Variants in TNFRSF8 observed in about 807,000 individuals in gnomAD.
TNFRSF8 encodes tumor necrosis factor receptor superfamily member 8.
TNFRSF8 carries 26 observed loss-of-function variants against 70.8 expected under a neutral mutation model. The ratio of observed to expected loss-of-function variants is 0.37; its 90% CI spans 0.27 to 0.51. The LOEUF (loss-of-function observed/expected upper bound fraction) is 0.51, where lower values mean the gene tolerates loss of function less well. Ranked by LOEUF, TNFRSF8 falls within the 20% of genes least tolerant of loss-of-function variation. The pLI, the probability that TNFRSF8 is intolerant of heterozygous loss-of-function variation, is 0.94. For synonymous variants in TNFRSF8, 356 were observed against 339.2 expected (o/e 1.05, Z -0.54); for missense variants, 720 against 807.9 (o/e 0.89, Z 1.32).
chr1:12,069,708 C>T (rs1438310435), intron 1 of TNFRSF8, among the ~76,000 whole-genome samples: 5 of 152,176 alleles, frequency 3.3e-5, no homozygotes, highest in Non-Finnish European at 5.9e-5. Flanking sequence ...GGAAGCACTC[C>T]GGGTGCTGCG....
chr1:12,142,284 C>A lies in TNFRSF8; in HGVS notation c.1544-3C>A. ...CTCGCTCACCCATCCTTTTGCCTTG[C>A]AGAGAAAATCTACATCATGAAGGCT... On this transcript the variant is annotated splice_polypyrimidine_tract_variant and splice_region_variant and intron_variant, in intron 14 of 14. Transcript: ENST00000263932. The surrounding 1 kb of genome is among the most constrained non-coding windows in gnomAD (Gnocchi z 5.0). 1.9e-6 allele frequency: 3 copies of A among 1,585,688 alleles called. No individual in the cohort carries two copies. The highest frequency in any genetic ancestry group is 2.6e-6 in the Non-Finnish European group (3 of 1,164,040).
chr1:12,076,095 T>TC (rs1557574937), intron 1 of TNFRSF8, among the ~76,000 whole-genome samples: 2 of 89,668 alleles, frequency 2.2e-5, no homozygotes, highest in Non-Finnish European at 4.1e-5. Context: ...TCTTTTTTTT[T>TC]TCTTTTTCTT....
intron 2 of TNFRSF8, among the ~76,000 whole-genome samples, chr1:12,096,161 T>C (rs1029309132): frequency 2.0e-5 from 3 of 152,184 alleles, no homozygotes; most frequent in African/African-American, 7.2e-5. Context: ...GCTTGGGTCA[T>C]GTGGCAATCC....
intron 8 of TNFRSF8, among the ~76,000 whole-genome samples, chr1:12,121,774 A>C (rs146189733): frequency 6.6e-6 from 1 of 152,224 alleles, no homozygotes; most frequent in Non-Finnish European, 1.5e-5. Flanking sequence ...AGAGGCACGC[A>C]CAAGAATACT....
intron 8 of TNFRSF8, among the ~76,000 whole-genome samples, chr1:12,121,696 T>A (rs1477911533): frequency 6.6e-6 from 1 of 152,178 alleles, no homozygotes; most frequent in Non-Finnish European, 1.5e-5. Context: ...AGACATTCCG[T>A]CTGGCCAGCA....
chr1:12,123,258 T>C (rs1181450927), intron 8 of TNFRSF8, 26 bp from the exon 9 acceptor site: 5 of 1,596,534 alleles, frequency 3.1e-6, no homozygotes, highest in Non-Finnish European at 4.3e-6. Context: ...TGGCGCTGGT[T>C]CTCAGATGTT....
chr1:12,085,865 C>G (rs1177636952), intron 2 of TNFRSF8, among the ~76,000 whole-genome samples: 1 of 152,140 alleles, frequency 6.6e-6, no homozygotes, highest in Non-Finnish European at 1.5e-5. Flanking sequence ...CTTAGATGGG[C>G]GGGGCAGGAC....
In TNFRSF8 at chr1:12,129,630, T is replaced by C. The variant is rs184616186; in HGVS notation, c.1309+3394T>C. The stretch of plus-strand genomic sequence containing the variant: ...ATGGATGCTCCTTGCTTTGGGTTTG[T>C]CTGGTGTTTTCTCCCGAGTGGATTC... On this transcript the variant is annotated intron_variant, in intron 12 of 14. Transcript: ENST00000263932. Among the ~76,000 whole-genome samples, 4 of 152,298 alleles carry C rather than the reference T, an allele frequency of 2.6e-5. No homozygotes were observed. In the East Asian group the frequency reaches 7.7e-4, roughly 29 times the overall value.
At chr1:12,086,948 A>T (rs892431586) in intron 2 of TNFRSF8, among the ~76,000 whole-genome samples, 3 of 151,954 alleles carry the variant, frequency 2.0e-5, no homozygotes. Flanking sequence ...TAACATATGA[A>T]CTTTGTGGGG....
In TNFRSF8 at chr1:12,063,873, AC is replaced by A. The variant is rs568807004; in HGVS notation, c.63+216del. On this transcript the variant is annotated intron_variant, in intron 1 of 14. Coordinates refer to ENST00000263932, the MANE Select transcript of TNFRSF8 (RefSeq NM_001243.5). The surrounding 1 kb of genome is among the most constrained non-coding windows in gnomAD (Gnocchi z 7.2). ...TAGTGGTGGGGGGCGCCTCCTTCTC[AC>A]CCCGCGATGGCTGGGACTGATTCAT... 5.3e-5 allele frequency among the ~76,000 whole-genome samples: 8 copies of A among 151,892 alleles called. No homozygotes were observed. In the East Asian group the frequency reaches 1.6e-3, roughly 30 times the overall value.
In TNFRSF8 at chr1:12,138,126, T is replaced by G; in HGVS notation, c.1336-103T>G. 8.4e-7 allele frequency: 1 copy of G among 1,194,342 alleles called. No homozygotes were observed. The highest frequency in any genetic ancestry group is 2.5e-5 in the East Asian group (1 of 39,872). 74.0% of individuals were successfully genotyped at this position (1,194,342 alleles called of 1,614,324 possible). A position where few individuals can be genotyped will look rare whatever the true frequency, so the allele number is the denominator to read the frequency against. ...CAGCTTTTAAAGCAGAAAGGGGGACTCACTGGGGTCTGTAGAGATGAAAAA... is the reference window on the plus strand; with the variant it reads ...CAGCTTTTAAAGCAGAAAGGGGGACGCACTGGGGTCTGTAGAGATGAAAAA... On this transcript the variant is annotated intron_variant, in intron 13 of 14. Transcript: ENST00000263932. This position sits in a 1 kb window ranked among gnomAD's most constrained non-coding sequence, Gnocchi z 5.7.
rs1188800354 is a variant in TNFRSF8, at chr1:12,063,853, G to T, written c.63+192G>T. Among the ~76,000 whole-genome samples the T allele has an allele frequency of 6.6e-6, 1 of 152,196 alleles. No individual in the cohort carries two copies. Among genetic ancestry groups the T allele is most frequent in the Non-Finnish European group, 1.5e-5 (1 of 68,026 alleles). The stretch of plus-strand genomic sequence containing the variant: ...TGGGAGGCTGGCTGAAGGGCTAGTG[G>T]TGGGGGGCGCCTCCTTCTCACCCCG... On this transcript the variant is annotated intron_variant, in intron 1 of 14. Transcript: ENST00000263932. This position sits in a 1 kb window ranked among gnomAD's most constrained non-coding sequence, Gnocchi z 7.2.
Position 12,142,746 on chromosome 1 carries a change from G to C in TNFRSF8, c.*215G>C. The C allele has an allele frequency of 1.6e-6, 1 of 621,004 alleles. No homozygotes were observed. The highest frequency in any genetic ancestry group is 3.0e-5 in the Admixed American group (1 of 33,022). 38.5% of individuals were successfully genotyped at this position (621,004 alleles called of 1,614,324 possible). ...CTGACCCAGAGCCTAGGGGATCCGG[G>C]GCTTGTACAGAAGAGACAGTCCAAG... On this transcript the variant is annotated 3_prime_UTR_variant, in exon 15 of 15. Transcript: ENST00000263932. The surrounding 1 kb of genome is among the most constrained non-coding windows in gnomAD (Gnocchi z 5.0).
intron 12 of TNFRSF8, among the ~76,000 whole-genome samples, chr1:12,131,082 T>C (rs1212874275): frequency 2.0e-5 from 3 of 152,238 alleles, no homozygotes; most frequent in South Asian, 4.1e-4. Flanking sequence ...CTTACCATCC[T>C]GGGCTTTTCC....
intron 2 of TNFRSF8, among the ~76,000 whole-genome samples, chr1:12,095,539 C>T (rs1307646163): frequency 1.3e-5 from 2 of 152,230 alleles, no homozygotes; most frequent in African/African-American, 4.8e-5. Context: ...TCACCCACCT[C>T]GGCCTCCCAA....
chr1:12,099,011 G>A (rs1197116541), intron 3 of TNFRSF8, among the ~76,000 whole-genome samples: 1 of 152,088 alleles, frequency 6.6e-6, no homozygotes, highest in East Asian at 1.9e-4. Flanking sequence ...CAGCTTCTCT[G>A]TTCCTGAGTT....
At chr1:12,085,656 C>T (rs1305152189) in intron 2 of TNFRSF8, among the ~76,000 whole-genome samples, 3 of 152,238 alleles carry the variant, frequency 2.0e-5, no homozygotes, top group African/African-American at 7.2e-5. Context: ...AGCTCCCTTT[C>T]TGGAATGTTC....
chr1:12,073,888 A>G (rs149920375), intron 1 of TNFRSF8, among the ~76,000 whole-genome samples: 2,009 of 151,526 alleles, frequency 0.013, 42 homozygotes, highest in African/African-American at 0.046. Context: ...GAGCCACCGC[A>G]CCCAGCCCAC....
chr1:12,071,585 C>G (rs148871210), intron 1 of TNFRSF8, among the ~76,000 whole-genome samples: 50 of 152,244 alleles, frequency 3.3e-4, no homozygotes, highest in African/African-American at 1.1e-3. Flanking sequence ...AACTCTCCTT[C>G]CATCCTCACA....
Sources: allele counts gnomAD v4.1 joint callset (sites outside exome capture counted in the v4.1 genomes callset), GRCh38; gene constraint gnomAD v4.1.1; non-coding constraint Gnocchi (gnomAD v3.1); transcripts MANE v1.5; gene names NCBI Gene and HGNC (gene_info 2026-07-23, HGNC 2026-07-21).